RABEP1: variants seen among roughly 807,000 people sequenced by gnomAD.
The protein encoded by RABEP1 is rab GTPase-binding effector protein 1.
In RABEP1, 51 loss-of-function variants were observed where a neutral mutation model predicts 123.4. The ratio of observed to expected loss-of-function variants is 0.41; its 90% CI spans 0.33 to 0.52. The LOEUF (loss-of-function observed/expected upper bound fraction) is 0.52, where lower values mean the gene tolerates loss of function less well. RABEP1 is among the 20% of genes least tolerant of loss of function. The pLI is 0.16. For synonymous variants in RABEP1, 347 were observed against 355.2 expected (o/e 0.98, Z 0.26); for missense variants, 888 against 996.3 (o/e 0.89, Z 1.46).
chr17:5,376,378 T>G (rs1207846669), intron 13 of RABEP1, among the ~76,000 whole-genome samples: 6 of 152,234 alleles, frequency 3.9e-5, no homozygotes, highest in African/African-American at 1.4e-4. Context: ...GTAGTCAGTG[T>G]GTAATCCTTG....
At chr17:5,286,244 C>T (rs1422141912) in intron 1 of RABEP1, among the ~76,000 whole-genome samples, 1 of 152,148 alleles carries the variant, frequency 6.6e-6, no homozygotes, top group Non-Finnish European at 1.5e-5. Context: ...GCCTGTAATC[C>T]CAGCACTTTG....
rs1911850889 is a variant in RABEP1, at chr17:5,385,215, C to T, written c.*1992C>T. The T allele has an allele frequency of 8.7e-6, 2 of 230,110 alleles. No homozygotes were observed. 14.3% of individuals were successfully genotyped at this position (230,110 alleles called of 1,614,324 possible). A position where few individuals can be genotyped will look rare whatever the true frequency, so the allele number is the denominator to read the frequency against. On this transcript the variant is annotated 3_prime_UTR_variant, in exon 18 of 18. Coordinates refer to ENST00000537505, the MANE Select transcript of RABEP1 (RefSeq NM_004703.6). ...TGTGTTTCTGGTATGAAACAAACTA[C>T]TGTGTCACTGTCCAGGTAGGAAACA...
intron 15 of RABEP1, among the ~76,000 whole-genome samples, chr17:5,379,389 C>CT (rs1911261929): frequency 6.6e-6 from 1 of 152,286 alleles, no homozygotes; most frequent in Admixed American, 6.5e-5. Flanking sequence ...CTTGACTGAT[C>CT]TTTTCCATTA....
At chr17:5,373,587 T>A in intron 13 of RABEP1, 133 bp downstream of exon 13, 1 of 1,029,114 alleles carries the variant, frequency 9.7e-7, no homozygotes, top group Non-Finnish European at 1.4e-6. Flanking sequence ...TACCATTCAG[T>A]GGTTTTTGCT....
At chr17:5,319,366 A>G (rs534871036) in intron 2 of RABEP1, among the ~76,000 whole-genome samples, 170 of 134,382 alleles carry the variant, frequency 1.3e-3, no homozygotes, top group African/African-American at 4.4e-3. Context: ...AAAAAAACAT[A>G]TATATTTTTT....
rs1386467271 is a variant in RABEP1 at position 5,384,483 on chromosome 17, C to T, written c.*1260C>T. The T allele has an allele frequency of 4.6e-6, 1 of 216,562 alleles. No individual in the cohort carries two copies. Among genetic ancestry groups the T allele is most frequent in the Non-Finnish European group, 9.3e-6 (1 of 107,764 alleles). The allele number at this position is 216,562 out of a possible 1,614,324, so 13.4% of individuals were successfully genotyped here. ...ATTTTTGAGACTGGTTGCATAACAG[C>T]AGGGTACCTGAAAGAGCCTTCTGGG... On this transcript the variant is annotated 3_prime_UTR_variant, in exon 18 of 18. Transcript: ENST00000537505.
chr17:5,373,693 AACACACACACACACACACACAC>A lies in RABEP1; in HGVS notation c.2025+262_2025+283del, dbSNP rs55736303. On this transcript the variant is annotated intron_variant, in intron 13 of 17. Transcript: ENST00000537505. ...CCCTGTGACCCGACTACACCAGCTA[AACACACACACACACACACACAC>A]ACACACACACACACACACACACGAA... Among the ~76,000 whole-genome samples, 395 of 135,326 alleles carry A rather than the reference AACACACACACACACACACACAC, an allele frequency of 2.9e-3. 4 individuals are homozygous for A. In the East Asian group the frequency reaches 0.031, roughly 11 times the overall value. 88.8% of individuals were successfully genotyped at this position (135,326 alleles called of 152,430 possible).
At chr17:5,297,197 T>C (rs951279275) in intron 1 of RABEP1, among the ~76,000 whole-genome samples, 1 of 152,226 alleles carries the variant, frequency 6.6e-6, no homozygotes, top group African/African-American at 2.4e-5. Flanking sequence ...TGACCTTTAG[T>C]TGAGAACCAC....
Position 5,381,390 on chromosome 17 carries a change from C to T in RABEP1, c.2372C>T (p.Ala791Val), listed in dbSNP as rs1911437850. 2.5e-6 allele frequency: 4 copies of T among 1,607,710 alleles called. No homozygotes were observed. The highest frequency in any genetic ancestry group is 3.4e-6 in the Non-Finnish European group (4 of 1,178,300). Residue 791 changes from alanine to valine, a missense_variant and splice_region_variant, in exon 17 of 18, where the codon GCT (alanine) becomes GTT (valine). Physicochemically the swap from Ala to Val is moderately conservative, Grantham distance 64 (BLOSUM62 0). Transcript: ENST00000537505. ...TCATTCAAAACTTGTATTTTTTAGG[C>T]TACCGTTGAACAACTAATGTTTGAA... ...EQLKKETAAK[A>V]TVEQLMFEEK...
At chr17:5,382,000 G>A (rs781070729) in intron 17 of RABEP1, among the ~76,000 whole-genome samples, 7 of 151,976 alleles carry the variant, frequency 4.6e-5, no homozygotes, top group Non-Finnish European at 1.0e-4. Context: ...TGCTCCCTCG[G>A]GCACTCTATG....
At chr17:5,382,404 T>C (rs1337985774) in intron 17 of RABEP1, among the ~76,000 whole-genome samples, 6 of 151,636 alleles carry the variant, frequency 4.0e-5, no homozygotes, top group Non-Finnish European at 7.4e-5. Flanking sequence ...TTCTTCAGGA[T>C]TGGGAGTCAG....
rs945595032 is a variant in RABEP1 at position 5,361,150 on chromosome 17, T to C, written c.1096-58T>C. Reference sequence around the variant, plus strand: ...TGGCGGAATACATTTATTATAGTTTTTGTCTTTAAAAACGCAGAGAATTGT... The same window carrying C: ...TGGCGGAATACATTTATTATAGTTTCTGTCTTTAAAAACGCAGAGAATTGT... On this transcript the variant is annotated intron_variant, in intron 8 of 17. Coordinates refer to ENST00000537505, the MANE Select transcript of RABEP1 (RefSeq NM_004703.6). The C allele has an allele frequency of 2.8e-6, 4 of 1,436,102 alleles. No individual in the cohort carries two copies. The Admixed American group carries it at 5.9e-5, about 21-fold the overall frequency. 89.0% of individuals were successfully genotyped at this position (1,436,102 alleles called of 1,614,324 possible).
chr17:5,363,823 A>G (rs774356797), intron 10 of RABEP1, among the ~76,000 whole-genome samples: 8 of 152,168 alleles, frequency 5.3e-5, no homozygotes, highest in Non-Finnish European at 1.2e-4. Flanking sequence ...TAGATTTGGT[A>G]TGCTGAGATT....
chr17:5,335,809 C>T (rs1907022006), intron 4 of RABEP1, among the ~76,000 whole-genome samples: 1 of 151,790 alleles, frequency 6.6e-6, no homozygotes, highest in African/African-American at 2.4e-5. Flanking sequence ...GGTACATGTG[C>T]TTGTTTTTTA....
intron 6 of RABEP1, among the ~76,000 whole-genome samples, chr17:5,349,152 T>C (rs1330251686): frequency 1.3e-5 from 2 of 152,218 alleles, no homozygotes; most frequent in Admixed American, 1.3e-4. Context: ...TGCCTTTTTG[T>C]GTCTGGCTTC....
chr17:5,342,378 C>G (rs1036345825), intron 5 of RABEP1, among the ~76,000 whole-genome samples: 2 of 152,196 alleles, frequency 1.3e-5, no homozygotes, highest in South Asian at 2.1e-4. Flanking sequence ...TGGCTCACGT[C>G]TGTAATCCCA....
In RABEP1 at chr17:5,365,202, C is replaced by G. The variant is rs904433906; in HGVS notation, c.1749C>G (p.Asp583Glu). Residue 583 changes from aspartate (D) to glutamate (E), a missense_variant, in exon 11 of 18, where the codon GAC (aspartate) becomes GAG (glutamate). Transcript: ENST00000537505. ...KTMKDKQELE[D>E]FIKQSSEDSS... Reference sequence around the variant, plus strand: ...TGAAAGATAAGCAGGAGCTGGAAGACTTCATAAAGCAAAGCAGCGAAGATT... The same window carrying G: ...TGAAAGATAAGCAGGAGCTGGAAGAGTTCATAAAGCAAAGCAGCGAAGATT... 3 of 1,611,080 alleles carry G rather than the reference C, an allele frequency of 1.9e-6. No homozygotes were observed. The highest frequency in any genetic ancestry group is 2.5e-6 in the Non-Finnish European group (3 of 1,178,812).
intron 13 of RABEP1, among the ~76,000 whole-genome samples, chr17:5,374,629 T>A (rs1320767708): frequency 4.0e-5 from 6 of 149,478 alleles, no homozygotes; most frequent in Admixed American, 2.0e-4. Flanking sequence ...TTATTTTTTT[T>A]ATTATTTTTT....
At chr17:5,366,514 C>T (rs573638376) in intron 11 of RABEP1, among the ~76,000 whole-genome samples, 39 of 152,134 alleles carry the variant, frequency 2.6e-4, no homozygotes, top group African/African-American at 6.7e-4. Context: ...GGTGCAACTT[C>T]GGCTCTCTGC....
Sources: allele counts gnomAD v4.1 joint callset (sites outside exome capture counted in the v4.1 genomes callset), GRCh38; gene constraint gnomAD v4.1.1; transcripts MANE v1.5; gene names NCBI Gene and HGNC (gene_info 2026-07-23, HGNC 2026-07-21).